PASK: variants seen among roughly 807,000 people sequenced by gnomAD.
The protein encoded by PASK is PAS domain containing serine/threonine kinase.
In PASK, 110 loss-of-function variants were observed where a neutral mutation model predicts 121.0. That is an observed-to-expected ratio of 0.91 (90% CI 0.78 to 1.06). PASK has a LOEUF of 1.06. Ranked by LOEUF, PASK falls within the 50% of genes least tolerant of loss-of-function variation. PASK has a pLI of 0.00. For synonymous variants in PASK, 686 were observed against 717.8 expected (o/e 0.96, Z 0.71); for missense variants, 1,643 against 1,702.3 (o/e 0.97, Z 0.61).
Position 241,139,871 on chromosome 2 carries a change from C to A in PASK, c.600+14G>T. ...CTTGAGGCCAGACTGAACGCTGCAC[C>A]CGCATCCACTCACCACCGTGCCAAA... On this transcript the variant is annotated intron_variant, in intron 4 of 17. Transcript: ENST00000234040. 1 of 1,613,422 alleles carries A rather than the reference C, an allele frequency of 6.2e-7. No individual in the cohort carries two copies. The highest frequency in any genetic ancestry group is 1.1e-5 in the South Asian group (1 of 91,050).
intron 8 of PASK, among the ~76,000 whole-genome samples, chr2:241,135,006 C>T (rs956769488): frequency 1.3e-5 from 2 of 152,214 alleles, no homozygotes; most frequent in Admixed American, 6.5e-5. Flanking sequence ...GTGGAAGCAG[C>T]CAGGGGCCTG....
chr2:241,140,672 G>A lies in PASK; in HGVS notation c.278C>T (p.Pro93Leu), dbSNP rs534656298. The change falls in exon 3 of 18, where the codon CCT (proline) becomes CTT (leucine). Residue 93 changes from proline to leucine, a missense_variant. Pro to Leu is a moderately conservative substitution (Grantham distance 98). Around this residue, in one of 3 missense-constraint regions of PASK, gnomAD observed 1,176 missense variants for 1,162.2 expected, o/e 1.01. Transcript: ENST00000234040. The part of the protein sequence containing the change: ...CTSKLHCPAA[P>L]EHTDPSEPRG... ...CGGTTCGGACGGGTCCGTGTGCTCA[G>A]GGGCAGCAGGGCAGTGCAGTTTACT... The A allele has an allele frequency of 1.5e-5, 25 of 1,614,140 alleles. No individual in the cohort carries two copies. The South Asian group carries it at 2.4e-4, about 16-fold the overall frequency.
chr2:241,114,435 G>A (rs769144406), intron 14 of PASK: 123 of 993,966 alleles, frequency 1.2e-4, no homozygotes, highest in Non-Finnish European at 1.4e-4. Context: ...AGTACAGGAT[G>A]GAACCGCCAC....
intron 12 of PASK, among the ~76,000 whole-genome samples, chr2:241,116,573 T>G (rs2065379048): frequency 6.6e-6 from 1 of 152,252 alleles, no homozygotes; most frequent in Admixed American, 6.5e-5. Context: ...GCTATCACTC[T>G]TAGACATGTT....
chr2:241,135,867 T>A lies in PASK; in HGVS notation c.1306+4A>T. The A allele has an allele frequency of 1.9e-6, 3 of 1,613,596 alleles. No individual in the cohort carries two copies. The South Asian group carries it at 3.3e-5, about 18-fold the overall frequency. The stretch of plus-strand genomic sequence containing the variant: ...GCGCATTCAGGAGGAAGAGGACGTC[T>A]TACCCTGGCCCCCCTCAGCTGGGTC... On this transcript the variant is annotated splice_donor_region_variant and intron_variant, in intron 8 of 17. Transcript: ENST00000234040.
At chr2:241,149,371 G>C (rs901028324) in intron 1 of PASK, 43 bp downstream of exon 1, 6 of 383,566 alleles carry the variant, frequency 1.6e-5, no homozygotes, top group Non-Finnish European at 2.4e-5. Flanking sequence ...GCCCTGGGGA[G>C]ATGGCGGAGC....
intron 4 of PASK, 102 bp downstream of exon 4, chr2:241,139,783 A>T: frequency 1.8e-6 from 2 of 1,140,920 alleles, no homozygotes; most frequent in Non-Finnish European, 2.6e-6. Context: ...TCCTGGTGCC[A>T]CCCAACCCCC....
Position 241,112,125 on chromosome 2 carries a change from T to A in PASK, c.3533+115A>T. ...CTTTCCAGCATATCACCCTGACCAC[T>A]CAACACTCATCACAAAGAGGCACAA... On this transcript the variant is annotated intron_variant, in intron 15 of 17. Transcript: ENST00000234040. This position sits in a 1 kb window ranked among gnomAD's most constrained non-coding sequence, Gnocchi z 5.2. 1 of 829,572 alleles carries A rather than the reference T, an allele frequency of 1.2e-6. No individual in the cohort carries two copies. Among genetic ancestry groups the A allele is most frequent in the Non-Finnish European group, 2.1e-6 (1 of 483,874 alleles). The allele number at this position is 829,572 out of a possible 1,614,324, so 51.4% of individuals were successfully genotyped here.
In PASK at chr2:241,124,149, G is replaced by C. The variant is rs777415190; in HGVS notation, c.2720-16C>G. On this transcript the variant is annotated splice_polypyrimidine_tract_variant and intron_variant, in intron 10 of 17. Transcript: ENST00000234040. Reference sequence around the variant, plus strand: ...AACTGTATACCTGAAGGGTGAGAAGGTAAGAACGCACAGGCCTGTGCTGAC... The same window carrying C: ...AACTGTATACCTGAAGGGTGAGAAGCTAAGAACGCACAGGCCTGTGCTGAC... The C allele has an allele frequency of 6.2e-7, 1 of 1,611,678 alleles. No homozygotes were observed. Among genetic ancestry groups the C allele is most frequent in the Admixed American group, 1.7e-5 (1 of 59,952 alleles).
intron 1 of PASK, among the ~76,000 whole-genome samples, chr2:241,145,188 C>T (rs1269230236): frequency 6.6e-6 from 1 of 152,208 alleles, no homozygotes; most frequent in African/African-American, 2.4e-5. Context: ...GCTGGGATTA[C>T]AGGCGTGAGC....
At position 241,112,410 on chromosome 2, in the gene PASK, C is replaced by T. The variant is rs1368123267; in HGVS notation, c.3363G>A (p.Leu1121=). Residue 1121 remains leucine (L), a synonymous_variant, in exon 15 of 18, where the codon TTG becomes TTA. Transcript: ENST00000234040. This position sits in a 1 kb window ranked among gnomAD's most constrained non-coding sequence, Gnocchi z 5.2. ...QLVSAVGYLR[L]KDIIHRDIKD... ...TGATGTCACGGTGGATGATGTCCTT[C>T]AAGCGCAGGTATCCCACTGCTGACA... 1 of 1,613,646 alleles carries T rather than the reference C, an allele frequency of 6.2e-7. No homozygotes were observed.
rs747041166 is a variant in PASK, at chr2:241,127,011, C to T, written c.1904G>A (p.Gly635Asp). 6.2e-7 allele frequency: 1 copy of T among 1,614,228 alleles called. No individual in the cohort carries two copies. Among genetic ancestry groups the T allele is most frequent in the Non-Finnish European group, 8.5e-7 (1 of 1,180,040 alleles). Residue 635 changes from glycine to aspartate, a missense_variant, in exon 10 of 18, where the codon GGC becomes GAC. Coordinates refer to ENST00000234040, the MANE Select transcript of PASK (RefSeq NM_015148.4). ...DLAPSPSGMA[G>D]LSFGTPTLDE... Reference sequence around the variant, plus strand: ...TAGAGTAGGTGTCCCAAACGAGAGGCCTGCCATCCCAGAGGGGCTGGGGGC... The same window carrying T: ...TAGAGTAGGTGTCCCAAACGAGAGGTCTGCCATCCCAGAGGGGCTGGGGGC...
chr2:241,108,231 G>A lies in PASK; in HGVS notation c.3603C>T (p.Asn1201=), dbSNP rs1410585756. 6.2e-7 allele frequency: 1 copy of A among 1,613,924 alleles called. No homozygotes were observed. The highest frequency in any genetic ancestry group is 1.7e-5 in the Admixed American group (1 of 60,030). Residue 1201 remains asparagine, a synonymous_variant, in exon 16 of 18, where the codon AAC becomes AAT. Coordinates refer to ENST00000234040, the MANE Select transcript of PASK (RefSeq NM_015148.4). This position sits in a 1 kb window ranked among gnomAD's most constrained non-coding sequence, Gnocchi z 5.2. ...VTLYTLVFEE[N]PFCELEETVE... Reference sequence around the variant, plus strand: ...CGGTCTCCTCCAGCTCACAGAAGGGGTTCTCCTCAAAGACCAGCGTGTACA... The same window carrying A: ...CGGTCTCCTCCAGCTCACAGAAGGGATTCTCCTCAAAGACCAGCGTGTACA...
rs1293263984 is a variant in PASK, at chr2:241,138,753, A to G, written c.642T>C (p.Ser214=). ...ISRSGEKIPV[S]VWMKRMRQER... is the part of the protein sequence containing the mutation. ...CCTGCCGCATCCTCTTCATCCACAC[A>G]GACACTGGAATCTTCTCCCCACTAC... Residue 214 remains serine (S), a synonymous_variant, in exon 5 of 18, where the codon TCT becomes TCC. Coordinates refer to ENST00000234040, the MANE Select transcript of PASK (RefSeq NM_015148.4). 2 of 1,613,964 alleles carry G rather than the reference A, an allele frequency of 1.2e-6. No homozygotes were observed. The highest frequency in any genetic ancestry group is 1.7e-6 in the Non-Finnish European group (2 of 1,179,964).
Position 241,112,843 on chromosome 2 carries a change from G to A in PASK, c.3334-404C>T. The A allele has an allele frequency of 4.4e-6, 1 of 226,138 alleles. No homozygotes were observed. Among genetic ancestry groups the A allele is most frequent in the Non-Finnish European group, 8.9e-6 (1 of 112,662 alleles). 14.0% of individuals were successfully genotyped at this position (226,138 alleles called of 1,614,324 possible). A position where few individuals can be genotyped will look rare whatever the true frequency, so the allele number is the denominator to read the frequency against. On this transcript the variant is annotated intron_variant, in intron 14 of 17. Coordinates refer to ENST00000234040, the MANE Select transcript of PASK (RefSeq NM_015148.4). The surrounding 1 kb of genome is among the most constrained non-coding windows in gnomAD (Gnocchi z 5.2). ...AATGGGTGCAGGTTTGGTGTTAAGT[G>A]GGAAGTACCCAAGAGAAAGCACCAA...
chr2:241,133,000 C>T lies in PASK; in HGVS notation c.1337G>A (p.Gly446Asp), dbSNP rs1306575777. 6.2e-7 allele frequency: 1 copy of T among 1,614,128 alleles called. No individual in the cohort carries two copies. Residue 446 changes from glycine to aspartate, a missense_variant, in exon 9 of 18, where the codon GGC becomes GAC. Gly to Asp is a moderately conservative substitution (Grantham distance 94). Around this residue, in one of 3 missense-constraint regions of PASK, gnomAD observed 1,176 missense variants for 1,162.2 expected, o/e 1.01. Coordinates refer to ENST00000234040, the MANE Select transcript of PASK (RefSeq NM_015148.4). Reference protein sequence around the residue: ...DPRINVVLAGGHVVPRDEIRK... With the variant: ...DPRINVVLAGDHVVPRDEIRK... The stretch of plus-strand genomic sequence containing the variant: ...GATCTCATCTCGGGGCACAACGTGG[C>T]CACCAGCAAGCACGACATTAATCCT...
At chr2:241,110,098 C>G (rs1207517270) in intron 15 of PASK, among the ~76,000 whole-genome samples, 1 of 152,210 alleles carries the variant, frequency 6.6e-6, no homozygotes, top group Non-Finnish European at 1.5e-5. Context: ...TACAGCATAT[C>G]CAGAAAACGC....
Position 241,112,373 on chromosome 2 carries a change from T to C in PASK, c.3400A>G (p.Ile1134Val). 3 of 1,613,830 alleles carry C rather than the reference T, an allele frequency of 1.9e-6. No homozygotes were observed. Among genetic ancestry groups the C allele is most frequent in the Non-Finnish European group, 1.7e-6 (2 of 1,179,774 alleles). ...ATTGTGAAGTCCTCGGCGATCACGA[T>C]GTTCTCATCCTTGATGTCACGGTGG... ...IIHRDIKDEN[I>V]VIAEDFTIKL... Residue 1134 changes from isoleucine (I) to valine (V), a missense_variant, in exon 15 of 18, where the codon ATC (isoleucine) becomes GTC (valine). Physicochemically the swap from Ile to Val is conservative, Grantham distance 29 (BLOSUM62 3). Coordinates refer to ENST00000234040, the MANE Select transcript of PASK (RefSeq NM_015148.4). The surrounding 1 kb of genome is among the most constrained non-coding windows in gnomAD (Gnocchi z 5.2).
chr2:241,144,625 T>C (rs1468665413), intron 1 of PASK, among the ~76,000 whole-genome samples: 1 of 152,198 alleles, frequency 6.6e-6, no homozygotes, highest in African/African-American at 2.4e-5. Flanking sequence ...GGCACACCTA[T>C]AGCCGTGAAC....
Sources: allele counts gnomAD v4.1 joint callset (sites outside exome capture counted in the v4.1 genomes callset), GRCh38; gene constraint gnomAD v4.1.1; regional missense constraint gnomAD v4.1.1; non-coding constraint Gnocchi (gnomAD v3.1); transcripts MANE v1.5; gene names NCBI Gene and HGNC (gene_info 2026-07-23, HGNC 2026-07-21).